Variants in EIPR1 observed in about 807,000 individuals in gnomAD.
The protein encoded by EIPR1 is EARP complex and GARP complex interacting protein 1.
A neutral mutation model predicts 48.1 loss-of-function variants in EIPR1; 25 were observed. The ratio of observed to expected loss-of-function variants is 0.52; its 90% CI spans 0.38 to 0.73. The LOEUF (loss-of-function observed/expected upper bound fraction) is 0.73, where lower values mean the gene tolerates loss of function less well. EIPR1 is among the 30% of genes least tolerant of loss of function. The pLI is 0.00. For synonymous variants in EIPR1, 204 were observed against 201.9 expected (o/e 1.01, Z -0.09); for missense variants, 415 against 506.2 (o/e 0.82, Z 1.73).
chr2:3,275,696 T>C (rs1043941211), intron 3 of EIPR1, among the ~76,000 whole-genome samples: 1 of 151,676 alleles, frequency 6.6e-6, no homozygotes, highest in Non-Finnish European at 1.5e-5. Context: ...CAAGAGAGAA[T>C]AAAAGATTAG....
chr2:3,307,812 T>C (rs955910902), intron 3 of EIPR1, among the ~76,000 whole-genome samples: 1 of 152,210 alleles, frequency 6.6e-6, no homozygotes, highest in Non-Finnish European at 1.5e-5. Flanking sequence ...AAAACTTTAC[T>C]GTATATTTCA....
intron 3 of EIPR1, among the ~76,000 whole-genome samples, chr2:3,278,580 C>A (rs1271452758): frequency 2.0e-5 from 3 of 152,208 alleles, no homozygotes; most frequent in African/African-American, 7.2e-5. Context: ...TTCCTCACGA[C>A]TTCCGACCCC....
chr2:3,318,953 T>TGTCTCCTAAAAAGACAAGA (rs998667897), intron 3 of EIPR1: 16 of 471,420 alleles, frequency 3.4e-5, no homozygotes, highest in African/African-American at 2.8e-4. Context: ...GATTCTATGA[T>TGTCTCCTAAAAAGACAAGA]GTCTCCTAAA....
chr2:3,201,248 G>A (rs535366647), intron 5 of EIPR1, among the ~76,000 whole-genome samples: 42 of 152,288 alleles, frequency 2.8e-4, no homozygotes, highest in African/African-American at 9.6e-4. Flanking sequence ...ACCCAAAGAT[G>A]AGCCAACCCT....
rs1668318540 is a variant in EIPR1 at position 3,290,028 on chromosome 2, C to G, written c.260-32573G>C. ...CCTGGCTAAGCCCTGGCTGGCATCT[C>G]CTTCCCAGCCACTTGTTTCTCCTTT... is the stretch of plus-strand genomic sequence containing the variant. On this transcript the variant is annotated intron_variant, in intron 3 of 8. Coordinates refer to ENST00000382125, the MANE Select transcript of EIPR1 (RefSeq NM_003310.5). Among the ~76,000 whole-genome samples the G allele has an allele frequency of 1.3e-5, 2 of 152,266 alleles. 1 individual carries two copies. Among genetic ancestry groups the G allele is most frequent in the African/African-American group, 4.8e-5 (2 of 41,470 alleles).
chr2:3,207,465 T>C (rs1326502058), intron 5 of EIPR1, among the ~76,000 whole-genome samples: 2 of 152,294 alleles, frequency 1.3e-5, no homozygotes, highest in East Asian at 3.9e-4. Flanking sequence ...AGTCTTACAT[T>C]GAATGCATCA....
chr2:3,333,923 A>G (rs4854188), intron 3 of EIPR1, among the ~76,000 whole-genome samples: 26,791 of 152,168 alleles, frequency 0.18, 2,533 homozygotes, highest in Non-Finnish European at 0.21. Context: ...TCTACTGTCC[A>G]CACTGGCTGC....
chr2:3,204,591 A>C (rs1665163800), intron 5 of EIPR1, among the ~76,000 whole-genome samples: 1 of 152,366 alleles, frequency 6.6e-6, no homozygotes, highest in Admixed American at 6.5e-5. Flanking sequence ...GGCGCCCACA[A>C]AACTTTCAAG....
intron 3 of EIPR1, among the ~76,000 whole-genome samples, chr2:3,299,718 C>T (rs964710395): frequency 1.3e-5 from 2 of 151,670 alleles, no homozygotes; most frequent in Non-Finnish European, 2.9e-5. Context: ...TGCCAAATCA[C>T]GGAAGACAGA....
chr2:3,203,458 G>T (rs1665117653), intron 5 of EIPR1, among the ~76,000 whole-genome samples: 6 of 152,242 alleles, frequency 3.9e-5, no homozygotes, highest in Admixed American at 3.3e-4. Context: ...CGTGCCGGTA[G>T]TCAGCGACAA....
intron 3 of EIPR1, among the ~76,000 whole-genome samples, chr2:3,285,868 C>T (rs7566521): frequency 2.3e-4 from 28 of 121,286 alleles, no homozygotes; most frequent in East Asian, 7.1e-4. Flanking sequence ...GACCCTCGCA[C>T]GGAGCAGAAG....
At chr2:3,317,384 A>T (rs1026995768) in intron 3 of EIPR1, among the ~76,000 whole-genome samples, 1 of 149,660 alleles carries the variant, frequency 6.7e-6, no homozygotes, top group African/African-American at 2.5e-5. Flanking sequence ...GTGCTGACCG[A>T]GCTGAGGGCC....
intron 4 of EIPR1, among the ~76,000 whole-genome samples, chr2:3,218,554 G>C (rs1279391407): frequency 2.0e-5 from 2 of 97,930 alleles, no homozygotes; most frequent in African/African-American, 8.0e-5. Context: ...CACGACCCTG[G>C]TATACTCTAG....
chr2:3,244,952 G>A (rs1411815696), intron 4 of EIPR1, among the ~76,000 whole-genome samples: 1 of 152,138 alleles, frequency 6.6e-6, no homozygotes, highest in Non-Finnish European at 1.5e-5. Flanking sequence ...AGGGGAGATA[G>A]GAATTTCTCT....
chr2:3,339,422 C>A (rs1257199268), intron 2 of EIPR1, among the ~76,000 whole-genome samples: 1 of 152,236 alleles, frequency 6.6e-6, no homozygotes, highest in Non-Finnish European at 1.5e-5. Flanking sequence ...ACACATCACC[C>A]AGGCCTCAGA....
At chr2:3,211,167 A>G (rs541222612) in intron 5 of EIPR1, among the ~76,000 whole-genome samples, 20 of 152,240 alleles carry the variant, frequency 1.3e-4, no homozygotes, top group Non-Finnish European at 2.8e-4. Flanking sequence ...AATATCAGAA[A>G]TAAAAGGGCA....
intron 1 of EIPR1, among the ~76,000 whole-genome samples, chr2:3,355,615 C>G (rs944864923): frequency 6.6e-6 from 1 of 152,100 alleles, no homozygotes; most frequent in African/African-American, 2.4e-5. Flanking sequence ...TCTGGCCAAC[C>G]AATCTGGGCA....
intron 1 of EIPR1, among the ~76,000 whole-genome samples, chr2:3,368,416 G>C (rs1322766370): frequency 2.6e-5 from 4 of 152,152 alleles, no homozygotes; most frequent in Admixed American, 2.6e-4. Flanking sequence ...CTTGGCAGCA[G>C]TGGGCTCAAA....
intron 2 of EIPR1, among the ~76,000 whole-genome samples, chr2:3,346,975 G>A (rs955511390): frequency 6.6e-6 from 1 of 152,192 alleles, no homozygotes; most frequent in Admixed American, 6.5e-5. Flanking sequence ...GGGGACAGAT[G>A]CCTCATGGCT....
Sources: allele counts gnomAD v4.1 joint callset (sites outside exome capture counted in the v4.1 genomes callset), GRCh38; gene constraint gnomAD v4.1.1; transcripts MANE v1.5; gene names NCBI Gene and HGNC (gene_info 2026-07-23, HGNC 2026-07-21).